Variants in DGKD observed in about 807,000 individuals in gnomAD.
DGKD encodes the protein DAG kinase delta.
DGKD carries 68 observed loss-of-function variants against 154.4 expected under a neutral mutation model. That is an observed-to-expected ratio of 0.44 (90% CI 0.36 to 0.54). The LOEUF (loss-of-function observed/expected upper bound fraction) is 0.54. Ranked by LOEUF, DGKD falls within the 20% of genes least tolerant of loss-of-function variation. DGKD has a pLI of 0.00. For missense variants in DGKD, 1,343 were observed against 1,593.6 expected, an observed-to-expected ratio of 0.84 and a Z score of 2.68; for synonymous variants, 693 against 638.0, an observed-to-expected ratio of 1.09 and a Z score of -1.30.
At chr2:233,425,039 A>C (rs1282737937) in intron 3 of DGKD, among the ~76,000 whole-genome samples, 1 of 152,200 alleles carries the variant, frequency 6.6e-6, no homozygotes, top group East Asian at 1.9e-4. Context: ...CTGGCTTGGC[A>C]ACTCATTTAG....
intron 1 of DGKD, among the ~76,000 whole-genome samples, chr2:233,374,386 G>A (rs915277458): frequency 7.9e-5 from 12 of 152,180 alleles, no homozygotes; most frequent in African/African-American, 2.9e-4. Context: ...CCAGGCTGGA[G>A]TGCAGTGGTG....
intron 9 of DGKD, among the ~76,000 whole-genome samples, chr2:233,439,048 G>T (rs2062806528): frequency 6.6e-6 from 1 of 152,250 alleles, no homozygotes; most frequent in Admixed American, 6.5e-5. Context: ...GGAGAGCCAT[G>T]TGTGTTCTTT....
At chr2:233,439,220 C>T (rs1485071449) in intron 9 of DGKD, among the ~76,000 whole-genome samples, 1 of 152,236 alleles carries the variant, frequency 6.6e-6, no homozygotes, top group African/African-American at 2.4e-5. Context: ...TGGGAAGTGC[C>T]TGCAGAGCCT....
At chr2:233,444,050 G>A (rs2125621405) in intron 10 of DGKD, among the ~76,000 whole-genome samples, 1 of 152,168 alleles carries the variant, frequency 6.6e-6, no homozygotes, top group Middle Eastern at 3.4e-3. Context: ...AACGCTCAGC[G>A]ACTTGCAGGG....
intron 26 of DGKD, 128 bp from the exon 27 acceptor site, chr2:233,464,036 G>T: frequency 7.4e-7 from 1 of 1,342,960 alleles, no homozygotes; most frequent in Non-Finnish European, 1.0e-6. Flanking sequence ...CTGGGACTTC[G>T]TTTCTGGAAA....
chr2:233,376,045 G>T (rs575625455), intron 1 of DGKD, among the ~76,000 whole-genome samples: 1 of 152,284 alleles, frequency 6.6e-6, no homozygotes, highest in Admixed American at 6.5e-5. Flanking sequence ...GATGGATTTT[G>T]TTCTGTAGGT....
At chr2:233,432,615 C>T (rs866317841) in intron 3 of DGKD, among the ~76,000 whole-genome samples, 3 of 152,112 alleles carry the variant, frequency 2.0e-5, no homozygotes, top group East Asian at 1.9e-4. Flanking sequence ...GCGGAGATTG[C>T]GCCACTGCAC....
chr2:233,454,463 T>G, intron 18 of DGKD: 1 of 486,258 alleles, frequency 2.1e-6, no homozygotes. Flanking sequence ...GCGCCAGGGA[T>G]GGTGAGGATG....
chr2:233,420,473 C>T (rs1386783635), intron 3 of DGKD, among the ~76,000 whole-genome samples: 1 of 152,180 alleles, frequency 6.6e-6, no homozygotes, highest in Non-Finnish European at 1.5e-5. Context: ...CTTCCTGCTC[C>T]CCCTTCCCTG....
chr2:233,457,085 C>G lies in DGKD; in HGVS notation c.2472+90C>G. On this transcript the variant is annotated intron_variant, in intron 20 of 29. Transcript: ENST00000264057. This position sits in a 1 kb window ranked among gnomAD's most constrained non-coding sequence, Gnocchi z 5.5. ...TTGCTTCTCCTGTTGACCATTTCCT[C>G]CATGCACAGGGACTTGCCTGGGGAT... 2 of 1,349,330 alleles carry G rather than the reference C, an allele frequency of 1.5e-6. No homozygotes were observed. The highest frequency in any genetic ancestry group is 2.1e-6 in the Non-Finnish European group (2 of 942,022). 83.6% of individuals were successfully genotyped at this position (1,349,330 alleles called of 1,614,324 possible). A position where few individuals can be genotyped will look rare whatever the true frequency, so the allele number is the denominator to read the frequency against.
At chr2:233,392,737 A>C (rs1703708126) in intron 3 of DGKD, among the ~76,000 whole-genome samples, 1 of 152,180 alleles carries the variant, frequency 6.6e-6, no homozygotes, top group Admixed American at 6.5e-5. Flanking sequence ...ATAAATCCTA[A>C]AATATTTATT....
chr2:233,465,984 T>C (rs868462171), intron 27 of DGKD, among the ~76,000 whole-genome samples: 3 of 152,176 alleles, frequency 2.0e-5, no homozygotes, highest in Non-Finnish European at 4.4e-5. Flanking sequence ...TCACTTTACA[T>C]TGGTAAAATA....
intron 3 of DGKD, among the ~76,000 whole-genome samples, chr2:233,407,323 A>T (rs953162842): frequency 1.3e-5 from 2 of 152,262 alleles, no homozygotes; most frequent in African/African-American, 4.8e-5. Context: ...ATCCGGAAAA[A>T]GTTATCCTTA....
chr2:233,454,936 G>GC, intron 19 of DGKD, 63 bp downstream of exon 19: 1 of 1,059,430 alleles, frequency 9.4e-7, no homozygotes, highest in Non-Finnish European at 1.5e-6. Flanking sequence ...CTTCCAGACA[G>GC]TAGCAGATTT....
In DGKD at chr2:233,457,339, G is replaced by A. The variant is rs926648556; in HGVS notation, c.2580+11G>A. The A allele has an allele frequency of 2.5e-5, 39 of 1,551,292 alleles. No individual in the cohort carries two copies. In the Admixed American group the frequency reaches 5.8e-4, roughly 23 times the overall value. On this transcript the variant is annotated intron_variant, in intron 21 of 29. Coordinates refer to ENST00000264057, the MANE Select transcript of DGKD (RefSeq NM_152879.3). The surrounding 1 kb of genome is among the most constrained non-coding windows in gnomAD (Gnocchi z 5.5). Reference sequence around the variant, plus strand: ...ACCAAGGAAGATGATGTATGTATGGGGTGTGAGCGGGTGGGCCTGAGCTCA... The same window carrying A: ...ACCAAGGAAGATGATGTATGTATGGAGTGTGAGCGGGTGGGCCTGAGCTCA...
intron 17 of DGKD, among the ~76,000 whole-genome samples, chr2:233,451,535 C>T (rs1395051751): frequency 6.6e-6 from 1 of 151,076 alleles, no homozygotes; most frequent in South Asian, 2.1e-4. Flanking sequence ...GAGTGGCTTA[C>T]ATTTAATGAG....
chr2:233,450,264 C>A, intron 16 of DGKD, 133 bp downstream of exon 16: 2 of 1,179,304 alleles, frequency 1.7e-6, no homozygotes, highest in East Asian at 2.7e-5. Flanking sequence ...AAAAATTGAG[C>A]GCCCAAGGCC....
chr2:233,462,259 G>A (rs1426198528), intron 24 of DGKD, 89 bp from the exon 25 acceptor site: 2 of 1,066,554 alleles, frequency 1.9e-6, no homozygotes, highest in African/African-American at 1.6e-5. Flanking sequence ...AGCCCTCCAG[G>A]TGGTACCTGG....
intron 1 of DGKD, among the ~76,000 whole-genome samples, chr2:233,379,154 C>T (rs185020658): frequency 2.0e-5 from 3 of 152,222 alleles, no homozygotes; most frequent in South Asian, 2.1e-4. Flanking sequence ...ACTTGCAAAG[C>T]GGTGATAGCT....
Sources: allele counts gnomAD v4.1 joint callset (sites outside exome capture counted in the v4.1 genomes callset), GRCh38; gene constraint gnomAD v4.1.1; non-coding constraint Gnocchi (gnomAD v3.1); transcripts MANE v1.5; gene names NCBI Gene and HGNC (gene_info 2026-07-23, HGNC 2026-07-21).